Variants in CLCN7 observed in about 807,000 individuals in gnomAD.
The protein encoded by CLCN7 is H(+)/Cl(-) exchange transporter 7.
In CLCN7, 60 loss-of-function variants were observed where a neutral mutation model predicts 102.1. The observed-to-expected ratio is 0.59, with a 90% CI of 0.48 to 0.73. The LOEUF is 0.73. Among genes scored for constraint, CLCN7 ranks in the 30% least tolerant of loss-of-function variants. CLCN7 has a pLI of 0.00. For missense variants in CLCN7, 962 were observed against 1,125.7 expected (o/e 0.85, Z 2.08); for synonymous variants, 560 against 490.5 (o/e 1.14, Z -1.87).
chr16:1,467,491 C>T (rs560176963), intron 1 of CLCN7, among the ~76,000 whole-genome samples: 8 of 152,318 alleles, frequency 5.3e-5, no homozygotes, highest in African/African-American at 1.9e-4. Flanking sequence ...CTCCCTCTTG[C>T]TCACACTCAC....
chr16:1,450,299 C>T lies in CLCN7; in HGVS notation c.1617+198G>A, dbSNP rs115196334. 1,073 of 553,626 alleles carry T rather than the reference C, an allele frequency of 1.9e-3. 7 individuals are homozygous for T. Among genetic ancestry groups the T allele is most frequent in the African/African-American group, 0.018 (902 of 50,358 alleles). 34.3% of individuals were successfully genotyped at this position (553,626 alleles called of 1,614,324 possible). A position where few individuals can be genotyped will look rare whatever the true frequency, so the allele number is the denominator to read the frequency against. On this transcript the variant is annotated intron_variant, in intron 17 of 24. Coordinates refer to ENST00000382745, the MANE Select transcript of CLCN7 (RefSeq NM_001287.6). Reference sequence around the variant, plus strand: ...TGGTCCAGACTCCACACATGGGCTGCGCTGCCACAGTACACGCTGCCACCA... The same window carrying T: ...TGGTCCAGACTCCACACATGGGCTGTGCTGCCACAGTACACGCTGCCACCA...
rs1451108389 is a variant in CLCN7, at chr16:1,460,930, T to C, written c.370A>G (p.Ile124Val). 6.2e-7 allele frequency: 1 copy of C among 1,613,606 alleles called. No individual in the cohort carries two copies. Among genetic ancestry groups the C allele is most frequent in the African/African-American group, 1.3e-5 (1 of 75,040 alleles). ...INHTAFRTVEIKRWVICALIG... is the reference protein window; with the variant it reads ...INHTAFRTVEVKRWVICALIG... ...AGGGCGCAGATGACCCAGCGCTTGA[T>C]CTCCACCGTCCGGAAGGCCTGCAGG... Residue 124 changes from isoleucine to valine, a missense_variant, in exon 5 of 25, where the codon ATC becomes GTC. Physicochemically the swap from Ile to Val is conservative, Grantham distance 29. Transcript: ENST00000382745.
In CLCN7 at chr16:1,448,491, G is replaced by C; in HGVS notation, c.1884-7C>G. ...TGGTGTGCTCATCACCTCCCTGCCG[G>C]AGGAGCCCGGCCACACATGCCCGTC... On this transcript the variant is annotated splice_region_variant and splice_polypyrimidine_tract_variant and intron_variant, in intron 20 of 24. Transcript: ENST00000382745. 6.2e-7 allele frequency: 1 copy of C among 1,608,116 alleles called. No homozygotes were observed. The highest frequency in any genetic ancestry group is 1.7e-4 in the Middle Eastern group (1 of 6,026).
intron 1 of CLCN7, chr16:1,474,226 T>C (rs966621031): frequency 1.3e-5 from 6 of 455,964 alleles, no homozygotes; most frequent in Non-Finnish European, 2.2e-5. Context: ...CTGCTTATTG[T>C]GTTTGCCTGC....
At chr16:1,455,840 A>G in intron 10 of CLCN7, 45 bp from the exon 11 acceptor site, 1 of 1,594,372 alleles carries the variant, frequency 6.3e-7, no homozygotes, top group South Asian at 1.1e-5. Context: ...GACACAGGGC[A>G]CCATGCCCAC....
chr16:1,446,926 C>G, intron 24 of CLCN7, 80 bp downstream of exon 24: 1 of 1,352,182 alleles, frequency 7.4e-7, no homozygotes, highest in Non-Finnish European at 1.0e-6. Flanking sequence ...TGTCCCCTGC[C>G]GGGAGCTGAG....
chr16:1,460,290 T>C, intron 6 of CLCN7, 128 bp downstream of exon 6: 1 of 736,358 alleles, frequency 1.4e-6, no homozygotes, highest in Non-Finnish European at 2.4e-6. Flanking sequence ...ACCACGTGAT[T>C]CTAAAAGTGC....
intron 7 of CLCN7, among the ~76,000 whole-genome samples, chr16:1,458,375 G>A (rs1410744076): frequency 1.3e-5 from 2 of 152,280 alleles, no homozygotes; most frequent in African/African-American, 2.4e-5. Flanking sequence ...GCCAACAAAA[G>A]TTATAGAGCA....
At chr16:1,465,600 G>T (rs1050438027) in intron 1 of CLCN7, among the ~76,000 whole-genome samples, 5 of 152,222 alleles carry the variant, frequency 3.3e-5, no homozygotes, top group Non-Finnish European at 7.3e-5. Context: ...CCCTGCTCTA[G>T]ACTGAAAGCG....
rs1403379788 is a variant in CLCN7 at position 1,446,160 on chromosome 16, A to C, written c.*471T>G. On this transcript the variant is annotated 3_prime_UTR_variant, in exon 25 of 25. Coordinates refer to ENST00000382745, the MANE Select transcript of CLCN7 (RefSeq NM_001287.6). ...ACCACAGGCCGTCTGCTCATGGCTG[A>C]AAATGAGGCCAAGCAGCTCCCAAGT... 1 of 603,608 alleles carries C rather than the reference A, an allele frequency of 1.7e-6. No individual in the cohort carries two copies. Among genetic ancestry groups the C allele is most frequent in the Admixed American group, 3.0e-5 (1 of 33,868 alleles). 37.4% of individuals were successfully genotyped at this position (603,608 alleles called of 1,614,324 possible).
rs772244670 is a variant in CLCN7, at chr16:1,448,687, G to C, written c.1877C>G (p.Thr626Ser). ...GGTGTCCTGGGCGCTGTACCTGGCA[G>C]TGAGTGAGTGTGAGGTGACCGGGGC... ...WEAPVTSHSL[T>S]AREVMSTPVT... The change falls in exon 20 of 25, where the codon ACT becomes AGT. Residue 626 changes from threonine to serine, a missense_variant. Around this residue, in one of 2 missense-constraint regions of CLCN7, gnomAD observed 799 missense variants for 988.0 expected, o/e 0.81. Transcript: ENST00000382745. 63 of 1,612,586 alleles carry C rather than the reference G, an allele frequency of 3.9e-5. No individual in the cohort carries two copies. Among genetic ancestry groups the C allele is most frequent in the African/African-American group, 5.3e-5 (4 of 74,926 alleles).
At chr16:1,451,119 G>A (rs1325449441) in intron 16 of CLCN7, among the ~76,000 whole-genome samples, 2 of 152,246 alleles carry the variant, frequency 1.3e-5, no homozygotes, top group African/African-American at 4.8e-5. Context: ...TGAAAGGCCG[G>A]CACTCCAAGG....
Position 1,453,898 on chromosome 16 carries a change from C to G in CLCN7, c.1154-4G>C, listed in dbSNP as rs377547396. 4 of 1,613,084 alleles carry G rather than the reference C, an allele frequency of 2.5e-6. No individual in the cohort carries two copies. The highest frequency in any genetic ancestry group is 3.4e-6 in the Non-Finnish European group (4 of 1,180,006). On this transcript the variant is annotated splice_region_variant and splice_polypyrimidine_tract_variant and intron_variant, in intron 13 of 24. Transcript: ENST00000382745. ...AACACTGCTCCAAGCACACCGCCTG[C>G]GAACAGGGGAAAGGCCAGTCAGCGA...
chr16:1,460,107 G>A (rs567436451), intron 6 of CLCN7, among the ~76,000 whole-genome samples: 6 of 152,010 alleles, frequency 3.9e-5, no homozygotes, highest in Non-Finnish European at 8.8e-5. Context: ...CAAGGACGTG[G>A]TGGAGGCGGA....
chr16:1,462,665 C>CAAAA (rs67969666), intron 2 of CLCN7, among the ~76,000 whole-genome samples: 13 of 36,164 alleles, frequency 3.6e-4, no homozygotes, highest in African/African-American at 9.5e-4. Flanking sequence ...AAAAAAAAGC[C>CAAAA]AAAAAAAAAA....
Position 1,471,457 on chromosome 16 carries a change from T to G in CLCN7, c.141+3377A>C, listed in dbSNP as rs537734789. 7.4e-3 allele frequency among the ~76,000 whole-genome samples: 1,125 copies of G among 152,110 alleles called. 9 individuals are homozygous for G. The highest frequency in any genetic ancestry group is 0.013 in the Non-Finnish European group (896 of 67,984). ...TACCCCGTCTGTGGCCACACTGGGG[T>G]GCGCCTGAGCCTAACTGTGAGCTGT... On this transcript the variant is annotated intron_variant, in intron 1 of 24. Transcript: ENST00000382745.
intron 7 of CLCN7, among the ~76,000 whole-genome samples, chr16:1,458,538 T>C (rs2038875345): frequency 6.6e-6 from 1 of 152,184 alleles, no homozygotes; most frequent in Admixed American, 6.5e-5. Context: ...TCCCGCTCCT[T>C]GGCCACGGGG....
Position 1,450,240 on chromosome 16 carries a change from A to G in CLCN7, c.1617+257T>C, listed in dbSNP as rs75926907. On this transcript the variant is annotated intron_variant, in intron 17 of 24. Transcript: ENST00000382745. ...TCTGCTTTTCATCACATTCTCAAGA[A>G]TAAGGACACGAGCCTCCGCCCCCTA... is the stretch of plus-strand genomic sequence containing the variant. 9.0e-3 allele frequency: 4,957 copies of G among 551,522 alleles called. 212 individuals are homozygous for G. The highest frequency in any genetic ancestry group is 0.087 in the African/African-American group (4,579 of 52,904). The allele number at this position is 551,522 out of a possible 1,614,324, so 34.2% of individuals were successfully genotyped here.
intron 1 of CLCN7, among the ~76,000 whole-genome samples, chr16:1,471,126 C>G (rs898148918): frequency 1.2e-4 from 18 of 152,166 alleles, no homozygotes; most frequent in African/African-American, 4.1e-4. Flanking sequence ...AGAACAGGAA[C>G]AGCAACCCAC....
Sources: gnomAD v4.1 joint callset for allele counts (sites outside exome capture counted in the v4.1 genomes callset) on GRCh38, gnomAD v4.1.1 for gene constraint, gnomAD v4.1.1 regional missense constraint, MANE v1.5 for transcripts, NCBI Gene and HGNC (gene_info 2026-07-23, HGNC 2026-07-21) for gene names.